Variants in KDM2B observed in about 807,000 individuals in gnomAD.
KDM2B encodes lysine-specific demethylase 2B.
In KDM2B, 26 loss-of-function variants were observed where a neutral mutation model predicts 150.0. The observed-to-expected ratio is 0.17, with a 90% CI of 0.13 to 0.24. KDM2B has a LOEUF of 0.24. Ranked by LOEUF, KDM2B falls within the 10% of genes least tolerant of loss-of-function variation. KDM2B has a pLI of 1.00. For synonymous variants in KDM2B, 734 were observed against 729.5 expected (o/e 1.01, Z -0.10); for missense variants, 1,265 against 1,816.9 (o/e 0.70, Z 5.52).
chr12:121,418,177 CAGTTAGACACTAA>C, the KDM2B span: 1 of 430,576 alleles, frequency 2.3e-6, no homozygotes, highest in East Asian at 4.0e-5. Context: ...CTGTCTTACA[CAGTTAGACACTAA>C]CTGTTGAAGA....
At position 121,513,935 on chromosome 12, in the gene KDM2B, G is replaced by C. The variant is rs1468226353; in HGVS notation, c.1048-533C>G. On this transcript the variant is annotated intron_variant, in intron 9 of 22. Coordinates refer to ENST00000377071, the MANE Select transcript of KDM2B (RefSeq NM_032590.5). The surrounding 1 kb of genome is among the most constrained non-coding windows in gnomAD (Gnocchi z 5.0). Reference sequence around the variant, plus strand: ...GGAGGCCAGGCCAGCGGACCAATAAGAGTGAGGGGGTGTGGCCTCGCCTAC... The same window carrying C: ...GGAGGCCAGGCCAGCGGACCAATAACAGTGAGGGGGTGTGGCCTCGCCTAC... Among the ~76,000 whole-genome samples, 1 of 152,138 alleles carries C rather than the reference G, an allele frequency of 6.6e-6. No homozygotes were observed. Among genetic ancestry groups the C allele is most frequent in the Non-Finnish European group, 1.5e-5 (1 of 68,016 alleles).
Position 121,509,439 on chromosome 12 carries a change from G to A in KDM2B, c.1647+128C>T, listed in dbSNP as rs370254209. On this transcript the variant is annotated intron_variant, in intron 11 of 22. Coordinates refer to ENST00000377071, the MANE Select transcript of KDM2B (RefSeq NM_032590.5). ...GGACTGAGACCCCAGAAGCCCCCTC[G>A]CAGCGCCCACCCGAATGCTCAGAGC... is the stretch of plus-strand genomic sequence containing the variant. 904 of 1,471,560 alleles carry A rather than the reference G, an allele frequency of 6.1e-4. 13 individuals are homozygous for A. The South Asian group carries it at 9.8e-3, about 16-fold the overall frequency. 91.2% of individuals were successfully genotyped at this position (1,471,560 alleles called of 1,614,324 possible).
chr12:121,451,776 G>C (rs1555291672), intron 13 of KDM2B, among the ~76,000 whole-genome samples: 1 of 152,084 alleles, frequency 6.6e-6, no homozygotes, highest in African/African-American at 2.4e-5. Flanking sequence ...GCCAGATGTG[G>C]TGGCAGGTGC....
At chr12:121,439,825 T>C (rs1379824142) in intron 22 of KDM2B, 32 bp downstream of exon 22, 1 of 1,533,046 alleles carries the variant, frequency 6.5e-7, no homozygotes, top group African/African-American at 1.4e-5. Context: ...CCACGGAGTG[T>C]TAGGCAGACC....
chr12:121,578,566 C>A (rs557727831), intron 2 of KDM2B, among the ~76,000 whole-genome samples: 3 of 152,162 alleles, frequency 2.0e-5, no homozygotes, highest in Admixed American at 6.5e-5. Context: ...GCTCTGCCCA[C>A]CCTGGGGCTG....
chr12:121,450,682 ACC>A (rs1215092825), intron 13 of KDM2B, among the ~76,000 whole-genome samples: 2 of 152,056 alleles, frequency 1.3e-5, no homozygotes, highest in Non-Finnish European at 2.9e-5. Flanking sequence ...ACATGGTGAA[ACC>A]CCGTCTCTAC....
At chr12:121,581,104 C>T (rs1332395306), upstream of KDM2B, 1 of 652,328 alleles carries the variant, frequency 1.5e-6, no homozygotes, top group Non-Finnish European at 2.4e-6. Flanking sequence ...TTCTGCCCGC[C>T]TCTGTGGACT....
intron 4 of KDM2B, among the ~76,000 whole-genome samples, chr12:121,556,891 T>C (rs1555312822): frequency 1.3e-5 from 2 of 151,562 alleles, no homozygotes; most frequent in East Asian, 3.9e-4. Flanking sequence ...CATTCCTTTA[T>C]AGCAACACAA....
the KDM2B span, among the ~76,000 whole-genome samples, chr12:121,411,986 A>G: frequency 6.6e-6 from 1 of 152,216 alleles, no homozygotes; most frequent in Admixed American, 6.5e-5. Context: ...TTTTAGAACA[A>G]AGTTTTTCCA....
intron 6 of KDM2B, among the ~76,000 whole-genome samples, chr12:121,546,387 T>TTC (rs1220517630): frequency 2.9e-5 from 4 of 136,082 alleles, no homozygotes; most frequent in Non-Finnish European, 6.3e-5. Flanking sequence ...GCCTTTTTTT[T>TTC]TTTTTTTTTT....
chr12:121,508,383 G>C (rs373731912), intron 11 of KDM2B, among the ~76,000 whole-genome samples: 22 of 152,298 alleles, frequency 1.4e-4, no homozygotes, highest in African/African-American at 5.3e-4. Context: ...ACCGTGCCTG[G>C]CCCGCACCCA....
chr12:121,481,795 T>G (rs1004789946), intron 12 of KDM2B, among the ~76,000 whole-genome samples: 2 of 123,454 alleles, frequency 1.6e-5, no homozygotes, highest in Non-Finnish European at 3.4e-5. Context: ...TTGTTTGTTT[T>G]GAGACAGAGT....
chr12:121,580,253 G>C (rs569810348), intron 1 of KDM2B: 47 of 587,136 alleles, frequency 8.0e-5, no homozygotes, highest in Admixed American at 3.0e-4. Flanking sequence ...CAGCAGTTGT[G>C]GGGGGGGGGA....
chr12:121,506,542 C>T (rs76287054), intron 11 of KDM2B, among the ~76,000 whole-genome samples: 1 of 152,104 alleles, frequency 6.6e-6, no homozygotes, highest in Non-Finnish European at 1.5e-5. Context: ...CTAAATATCT[C>T]TAAAGACAGG....
In KDM2B at chr12:121,496,385, G is replaced by A. The variant is rs1883938105; in HGVS notation, c.1648-1720C>T. Among the ~76,000 whole-genome samples, 4 of 152,024 alleles carry A rather than the reference G, an allele frequency of 2.6e-5. 1 individual carries two copies. The highest frequency in any genetic ancestry group is 2.6e-4 in the Admixed American group (4 of 15,248). On this transcript the variant is annotated intron_variant, in intron 11 of 22. Transcript: ENST00000377071. Reference sequence around the variant, plus strand: ...ACAGAAGCACTGAGCAGGAAGAGCAGAAGCGCTCAGGAGACAAATGAAGGT... The same window carrying A: ...ACAGAAGCACTGAGCAGGAAGAGCAAAAGCGCTCAGGAGACAAATGAAGGT...
Position 121,478,866 on chromosome 12 carries a change from T to TTGTTTGTTTGTTTGTGTG in KDM2B, c.1734+15712_1734+15713insCACACAAACAAACAAACA, listed in dbSNP as rs61509046. On this transcript the variant is annotated intron_variant, in intron 12 of 22. Transcript: ENST00000377071. ...CCACAACCGGCTAATTTTTGTTTGT[T>TTGTTTGTTTGTTTGTGTG]TGTGTGTGTGTGTGTGTGTGTGTGT... Among the ~76,000 whole-genome samples the TTGTTTGTTTGTTTGTGTG allele has an allele frequency of 2.2e-4, 29 of 131,218 alleles. 1 individual carries two copies. Among genetic ancestry groups the TTGTTTGTTTGTTTGTGTG allele is most frequent in the East Asian group, 9.5e-4 (4 of 4,226 alleles). 86.1% of individuals were successfully genotyped at this position (131,218 alleles called of 152,430 possible).
At chr12:121,492,327 C>T (rs182039950) in intron 12 of KDM2B, among the ~76,000 whole-genome samples, 1 of 152,062 alleles carries the variant, frequency 6.6e-6, no homozygotes, top group African/African-American at 2.4e-5. Flanking sequence ...CCAGATTTAG[C>T]AAATAAAACT....
At chr12:121,499,900 G>C (rs1340623721) in intron 11 of KDM2B, among the ~76,000 whole-genome samples, 1 of 151,918 alleles carries the variant, frequency 6.6e-6, no homozygotes, top group Non-Finnish European at 1.5e-5. Context: ...AGTGAGCCAA[G>C]ATCGCACCAC....
rs1246046963 is a variant in KDM2B at position 121,518,282 on chromosome 12, C to T, written c.1047+2703G>A. Reference sequence around the variant, plus strand: ...AAGCTGTAGTGAGCTAACAAAGAGCCCTGGCATCTTATCTGGTTCCAGAAT... The same window carrying T: ...AAGCTGTAGTGAGCTAACAAAGAGCTCTGGCATCTTATCTGGTTCCAGAAT... On this transcript the variant is annotated intron_variant, in intron 9 of 22. Transcript: ENST00000377071. The surrounding 1 kb of genome is among the most constrained non-coding windows in gnomAD (Gnocchi z 4.4). Among the ~76,000 whole-genome samples, 1 of 152,194 alleles carries T rather than the reference C, an allele frequency of 6.6e-6. No individual in the cohort carries two copies. The highest frequency in any genetic ancestry group is 2.4e-5 in the African/African-American group (1 of 41,446).
Sources: allele counts gnomAD v4.1 joint callset (sites outside exome capture counted in the v4.1 genomes callset), GRCh38; gene constraint gnomAD v4.1.1; non-coding constraint Gnocchi (gnomAD v3.1); transcripts MANE v1.5; gene names NCBI Gene and HGNC (gene_info 2026-07-23, HGNC 2026-07-21).